The following SLC35F3 variants were observed in gnomAD, a reference collection of about 807,000 sequenced individuals.
SLC35F3 encodes the protein solute carrier family 35 member F3, also known as putative thiamine transporter SLC35F3.
Under a neutral mutation model 49.9 loss-of-function variants are expected in SLC35F3, and 25 were observed. The ratio of observed to expected loss-of-function variants is 0.50; its 90% CI spans 0.37 to 0.70. The LOEUF is 0.70. Ranked by LOEUF, SLC35F3 falls within the 30% of genes least tolerant of loss-of-function variation. The probability of loss-of-function intolerance (pLI) is 0.00; values close to 1 mark genes in which losing one functional copy is unlikely to be tolerated. For synonymous variants in SLC35F3, 275 were observed against 265.4 expected, an observed-to-expected ratio of 1.04 and a Z score of -0.35; for missense variants, 525 against 639.8, an observed-to-expected ratio of 0.82 and a Z score of 1.94.
At chr1:234,080,957 A>C (rs1664866517) in intron 2 of SLC35F3, among the ~76,000 whole-genome samples, 1 of 152,238 alleles carries the variant, frequency 6.6e-6, no homozygotes, top group Non-Finnish European at 1.5e-5. Flanking sequence ...AACCCTTCAA[A>C]GTAATATTTA....
intron 2 of SLC35F3, among the ~76,000 whole-genome samples, chr1:233,913,549 A>G (rs1037903450): frequency 1.3e-5 from 2 of 152,202 alleles, no homozygotes; most frequent in Non-Finnish European, 2.9e-5. Flanking sequence ...TGGTCTTGGC[A>G]CATAGAACTC....
At chr1:234,319,587 AG>A (rs1269725128) in intron 6 of SLC35F3, among the ~76,000 whole-genome samples, 2 of 121,580 alleles carry the variant, frequency 1.6e-5, no homozygotes, top group African/African-American at 6.6e-5. Flanking sequence ...CTGCAGTCCC[AG>A]CTACTCAGGA....
chr1:234,120,407 A>T (rs1241967560), intron 2 of SLC35F3, among the ~76,000 whole-genome samples: 3 of 152,244 alleles, frequency 2.0e-5, no homozygotes, highest in African/African-American at 7.2e-5. Context: ...GGCATCTGTG[A>T]TAATTCAGAA....
chr1:234,256,656 G>A (rs545257894), intron 3 of SLC35F3, among the ~76,000 whole-genome samples: 256 of 152,288 alleles, frequency 1.7e-3, no homozygotes, highest in Middle Eastern at 6.8e-3. Flanking sequence ...TTCACCTTTT[G>A]ATGTCAGAGA....
chr1:234,112,554 CTCTT>C (rs1558232904), intron 2 of SLC35F3, among the ~76,000 whole-genome samples: 2 of 116,728 alleles, frequency 1.7e-5, no homozygotes, highest in African/African-American at 5.5e-5. Flanking sequence ...ATAATTCACA[CTCTT>C]TTTTTTTTTT....
chr1:234,093,652 T>C (rs994830375), intron 2 of SLC35F3, among the ~76,000 whole-genome samples: 6 of 152,228 alleles, frequency 3.9e-5, no homozygotes, highest in African/African-American at 9.6e-5. Flanking sequence ...AATTGCAAGA[T>C]TCTCACTTCT....
chr1:234,172,385 C>T (rs1334928802), intron 2 of SLC35F3, among the ~76,000 whole-genome samples: 2 of 152,174 alleles, frequency 1.3e-5, no homozygotes, highest in Non-Finnish European at 2.9e-5. Context: ...TGCCACCACG[C>T]CCAGCTAATA....
chr1:234,319,010 T>C, intron 6 of SLC35F3, 67 bp downstream of exon 6: 1 of 1,383,822 alleles, frequency 7.2e-7, no homozygotes, highest in Non-Finnish European at 1.0e-6. Context: ...TCAGGAAACA[T>C]GTTCCCTGAA....
At chr1:233,985,088 T>C (rs1205684741) in intron 2 of SLC35F3, among the ~76,000 whole-genome samples, 1 of 152,190 alleles carries the variant, frequency 6.6e-6, no homozygotes, top group Admixed American at 6.5e-5. Flanking sequence ...CTGGTAATGA[T>C]GCTGATGTTC....
rs530801378 is a variant in SLC35F3 at position 233,932,587 on chromosome 1, C to T, written c.283+26829C>T. 3.3e-5 allele frequency among the ~76,000 whole-genome samples: 5 copies of T among 152,154 alleles called. No homozygotes were observed. The South Asian group carries it at 8.3e-4, about 25-fold the overall frequency. On this transcript the variant is annotated intron_variant, in intron 2 of 7. Transcript: ENST00000366618. ...GTATGTGTATGTAAAAGGGTATGCACGTATGTAAGAATTCATCAAGTGCTT... is the reference window on the plus strand; with the variant it reads ...GTATGTGTATGTAAAAGGGTATGCATGTATGTAAGAATTCATCAAGTGCTT...
At chr1:234,066,469 C>T (rs1418665594) in intron 2 of SLC35F3, among the ~76,000 whole-genome samples, 2 of 152,062 alleles carry the variant, frequency 1.3e-5, no homozygotes, top group South Asian at 4.1e-4. Context: ...CAGGCTGCAG[C>T]GGTGAGTCCA....
chr1:234,175,783 G>A (rs957196830), intron 2 of SLC35F3, among the ~76,000 whole-genome samples: 1 of 152,132 alleles, frequency 6.6e-6, no homozygotes, highest in African/African-American at 2.4e-5. Flanking sequence ...GAGGACAGAG[G>A]CAGCACTGGG....
At chr1:234,232,532 A>AAAG (rs1667399500) in intron 3 of SLC35F3, among the ~76,000 whole-genome samples, 1 of 147,622 alleles carries the variant, frequency 6.8e-6, no homozygotes, top group Admixed American at 6.7e-5. Context: ...AAAAAAAAAA[A>AAAG]AAAAAAAAGA....
chr1:234,155,647 G>A (rs1477644167), intron 2 of SLC35F3, among the ~76,000 whole-genome samples: 1 of 151,770 alleles, frequency 6.6e-6, no homozygotes, highest in Admixed American at 6.6e-5. Context: ...ACAGTTTAAT[G>A]GAAAGGAATA....
intron 2 of SLC35F3, among the ~76,000 whole-genome samples, chr1:234,169,573 C>A (rs960685918): frequency 2.8e-5 from 4 of 141,578 alleles, no homozygotes; most frequent in African/African-American, 1.2e-4. Flanking sequence ...CAGGGACATA[C>A]TGCCTGTCAG....
intron 2 of SLC35F3, among the ~76,000 whole-genome samples, chr1:234,059,667 GAC>G (rs1664512089): frequency 6.6e-6 from 1 of 150,492 alleles, no homozygotes; most frequent in South Asian, 2.1e-4. Context: ...CATAGACATA[GAC>G]ATAGACATAG....
chr1:234,052,160 G>T (rs1175329083), intron 2 of SLC35F3, among the ~76,000 whole-genome samples: 1 of 152,210 alleles, frequency 6.6e-6, no homozygotes, highest in Non-Finnish European at 1.5e-5. Context: ...CTCATAAAAT[G>T]AGTTAGGGAG....
Position 234,312,950 on chromosome 1 carries a change from C to T in SLC35F3, c.828+3630C>T, listed in dbSNP as rs908083405. On this transcript the variant is annotated intron_variant, in intron 4 of 7. Transcript: ENST00000366618. ...GGATTACAGTGGTGCTATCATAGCT[C>T]ACTGCAGCCTCAACCTTCTGGGCTC... Among the ~76,000 whole-genome samples the T allele has an allele frequency of 1.2e-4, 18 of 152,162 alleles. No individual in the cohort carries two copies. In the South Asian group the frequency reaches 3.3e-3, roughly 28 times the overall value.
At chr1:233,997,316 G>T (rs1572013555) in intron 2 of SLC35F3, among the ~76,000 whole-genome samples, 1 of 152,020 alleles carries the variant, frequency 6.6e-6, no homozygotes, top group East Asian at 1.9e-4. Flanking sequence ...TTAATTTTGG[G>T]GGTATCTCCA....
Sources: allele counts gnomAD v4.1 joint callset (sites outside exome capture counted in the v4.1 genomes callset), GRCh38; gene constraint gnomAD v4.1.1; transcripts MANE v1.5; gene names NCBI Gene and HGNC (gene_info 2026-07-23, HGNC 2026-07-21).